Variants in MPC1 observed in about 807,000 individuals in gnomAD.
MPC1 encodes HSPC040 protein.
Under a neutral mutation model 13.9 loss-of-function variants are expected in MPC1, and 6 were observed. The ratio of observed to expected loss-of-function variants is 0.43; its 90% CI spans 0.24 to 0.85. MPC1 has a LOEUF of 0.85. MPC1 is among the 40% of genes least tolerant of loss of function. The pLI is 0.24. For missense variants in MPC1, 115 were observed against 143.3 expected, an observed-to-expected ratio of 0.80 and a Z score of 1.01; for synonymous variants, 47 against 50.5, an observed-to-expected ratio of 0.93 and a Z score of 0.29.
At chr6:166,369,448 T>C (rs1206169838) in intron 2 of MPC1, 2 of 154,662 alleles carry the variant, frequency 1.3e-5, no homozygotes, top group Admixed American at 6.5e-5. Flanking sequence ...GTGTGATGAG[T>C]GTTAGGTTAT....
At chr6:166,377,414 G>A (rs1271736948) in intron 1 of MPC1, among the ~76,000 whole-genome samples, 1 of 152,122 alleles carries the variant, frequency 6.6e-6, no homozygotes, top group Non-Finnish European at 1.5e-5. Context: ...GCTGAACCAG[G>A]AGGAGATTTG....
At chr6:166,366,589 A>T (rs1779164727) in intron 3 of MPC1, among the ~76,000 whole-genome samples, 1 of 152,236 alleles carries the variant, frequency 6.6e-6, no homozygotes, top group South Asian at 2.1e-4. Flanking sequence ...TCTGAAAGGC[A>T]AATAAGATGT....
At position 166,365,478 on chromosome 6, in the gene MPC1, T is replaced by G; in HGVS notation, c.306-25A>C. 6.4e-7 allele frequency: 1 copy of G among 1,564,342 alleles called. No individual in the cohort carries two copies. Among genetic ancestry groups the G allele is most frequent in the Non-Finnish European group, 8.7e-7 (1 of 1,154,228 alleles). On this transcript the variant is annotated intron_variant, in intron 4 of 4. Coordinates refer to ENST00000360961, the MANE Select transcript of MPC1 (RefSeq NM_016098.4). The surrounding 1 kb of genome is among the most constrained non-coding windows in gnomAD (Gnocchi z 4.2). ...CCTGGAAAGAAACAAAAAGAAAAAT[T>G]CAATGAGAAACAAAATTTCAATGCC...
intron 1 of MPC1, among the ~76,000 whole-genome samples, chr6:166,374,080 G>A (rs540349502): frequency 2.6e-5 from 4 of 151,970 alleles, no homozygotes; most frequent in South Asian, 2.1e-4. Context: ...TCTGCCTCCC[G>A]GGTTCAAGTG....
At chr6:166,373,140 T>A (rs1319659442) in intron 1 of MPC1, among the ~76,000 whole-genome samples, 1 of 152,164 alleles carries the variant, frequency 6.6e-6, no homozygotes, top group Non-Finnish European at 1.5e-5. Context: ...TCACGAAACT[T>A]ACATTGACAC....
At position 166,382,910 on chromosome 6, in the gene MPC1, G is replaced by A. The variant is rs1779860318; in HGVS notation, c.-34C>T. The A allele has an allele frequency of 2.5e-6, 4 of 1,574,028 alleles. No homozygotes were observed. Among genetic ancestry groups the A allele is most frequent in the African/African-American group, 1.4e-5 (1 of 71,288 alleles). ...CGACACCAGACCCCGAGTGGTCCCT[G>A]CCTCTGCTGCCGCTTCCCAGAGCCA... On this transcript the variant is annotated 5_prime_UTR_variant, in exon 1 of 5. Transcript: ENST00000360961.
Position 166,367,013 on chromosome 6 carries a change from A to G in MPC1, c.76-122T>C, listed in dbSNP as rs756865188. 3.2e-6 allele frequency: 5 copies of G among 1,548,788 alleles called. No homozygotes were observed. The Admixed American group carries it at 5.7e-5, about 18-fold the overall frequency. On this transcript the variant is annotated intron_variant, in intron 2 of 4. Transcript: ENST00000360961. ...CTCGTGAGAACAAATCTTCGTTTCC[A>G]TCTTGCAGGTTTACTGGGTTAATTG... is the stretch of plus-strand genomic sequence containing the variant.
Position 166,374,135 on chromosome 6 carries a change from C to T in MPC1, c.72-3914G>A, listed in dbSNP as rs147653082. Among the ~76,000 whole-genome samples, 101 of 152,054 alleles carry T rather than the reference C, an allele frequency of 6.6e-4. 3 individuals carry two copies. In the East Asian group the frequency reaches 0.016, roughly 25 times the overall value. On this transcript the variant is annotated intron_variant, in intron 1 of 4. Coordinates refer to ENST00000360961, the MANE Select transcript of MPC1 (RefSeq NM_016098.4). ...CCAAGTAGCTGGGATTATAGGCACC[C>T]GTCACCACACCTGGCTAATTTCTGT...
intron 1 of MPC1, chr6:166,381,778 A>T (rs1779792629): frequency 1.0e-6 from 1 of 975,962 alleles, no homozygotes; most frequent in Non-Finnish European, 1.2e-6. Flanking sequence ...AAAAAGTATG[A>T]CCTTAGAGAC....
chr6:166,382,683 C>A, intron 1 of MPC1, 123 bp downstream of exon 1: 2 of 1,022,190 alleles, frequency 2.0e-6, no homozygotes, highest in Non-Finnish European at 2.7e-6. Flanking sequence ...CTCGCCTGGG[C>A]CCCGGCCCAC....
chr6:166,365,442 G>A lies in MPC1; in HGVS notation c.317C>T (p.Thr106Met), dbSNP rs139163077. ...CCTTTTCCATTGTTATGCAGATGCC[G>A]TTTTAGTCATCCTGGAAAGAAACAA... ...GRLIKHEMTK[T>M]ASA Residue 106 changes from threonine (T) to methionine (M), a missense_variant, in exon 5 of 5, where the codon ACG (threonine) becomes ATG (methionine). Physicochemically the swap from Thr to Met is moderately conservative, Grantham distance 81 (BLOSUM62 -1). Around this residue, in one of 3 missense-constraint regions of MPC1, gnomAD observed 71 missense variants for 88.5 expected, o/e 0.80. Transcript: ENST00000360961. This position sits in a 1 kb window ranked among gnomAD's most constrained non-coding sequence, Gnocchi z 4.2. 2.3e-5 allele frequency: 37 copies of A among 1,580,652 alleles called. No individual in the cohort carries two copies. Among genetic ancestry groups the A allele is most frequent in the East Asian group, 1.6e-4 (7 of 43,842 alleles).
At position 166,381,701 on chromosome 6, in the gene MPC1, T is replaced by G. The variant is rs938706475; in HGVS notation, c.71+1105A>C. The stretch of plus-strand genomic sequence containing the variant: ...AATTATAGAAAGTGTATTTTCAGGC[T>G]TTCCAACCGCGAATGCTCTTTGTTT... On this transcript the variant is annotated intron_variant, in intron 1 of 4. Transcript: ENST00000360961. The G allele has an allele frequency of 1.1e-5, 6 of 543,446 alleles. No homozygotes were observed. The African/African-American group carries it at 1.2e-4, about 11-fold the overall frequency. The allele number at this position is 543,446 out of a possible 1,614,324, so 33.7% of individuals were successfully genotyped here. A position where few individuals can be genotyped will look rare whatever the true frequency, so the allele number is the denominator to read the frequency against.
intron 1 of MPC1, among the ~76,000 whole-genome samples, chr6:166,380,606 C>T (rs1456815897): frequency 6.6e-6 from 1 of 152,154 alleles, no homozygotes; most frequent in Non-Finnish European, 1.5e-5. Flanking sequence ...GCAGAACTCT[C>T]TTCCTTGAAA....
chr6:166,379,846 T>C (rs1779703366), intron 1 of MPC1, among the ~76,000 whole-genome samples: 1 of 152,250 alleles, frequency 6.6e-6, no homozygotes, highest in African/African-American at 2.4e-5. Context: ...AGCCGGGCTG[T>C]AAGCGTAAAG....
chr6:166,366,513 A>T (rs1299816678), intron 3 of MPC1, among the ~76,000 whole-genome samples: 1 of 152,236 alleles, frequency 6.6e-6, no homozygotes, highest in Non-Finnish European at 1.5e-5. Context: ...AAAGTTCACA[A>T]TATAAATCAT....
At chr6:166,382,608 CG>C (rs1023574307) in intron 1 of MPC1, among the ~76,000 whole-genome samples, 197 bp downstream of exon 1, 1 of 152,164 alleles carries the variant, frequency 6.6e-6, no homozygotes, top group African/African-American at 2.4e-5. Context: ...CTCTCTACGC[CG>C]TCCGCTTCGG....
rs151209326 is a variant in MPC1, at chr6:166,382,388, C to A, written c.71+418G>T. Among the ~76,000 whole-genome samples the A allele has an allele frequency of 4.9e-3, 748 of 151,694 alleles. 4 individuals are homozygous for A. Among genetic ancestry groups the A allele is most frequent in the Admixed American group, 6.0e-3 (92 of 15,264 alleles). ...AGTGTCACCTTGGCCAGGAGGGACG[C>A]CCACCGTCACCCACTCCCTGAAGGG... On this transcript the variant is annotated intron_variant, in intron 1 of 4. Transcript: ENST00000360961.
intron 1 of MPC1, chr6:166,381,710 G>C (rs1381877721): frequency 3.2e-6 from 2 of 626,536 alleles, no homozygotes; most frequent in African/African-American, 4.0e-5. Context: ...CTTTCCAACC[G>C]CGAATGCTCT....
chr6:166,372,542 T>C (rs1364138272), intron 1 of MPC1, among the ~76,000 whole-genome samples: 1 of 152,228 alleles, frequency 6.6e-6, no homozygotes, highest in Non-Finnish European at 1.5e-5. Flanking sequence ...ATCACATTAA[T>C]TACTGTAAAA....
Sources: allele counts gnomAD v4.1 joint callset (sites outside exome capture counted in the v4.1 genomes callset), GRCh38; gene constraint gnomAD v4.1.1; regional missense constraint gnomAD v4.1.1; non-coding constraint Gnocchi (gnomAD v3.1); transcripts MANE v1.5; gene names NCBI Gene and HGNC (gene_info 2026-07-23, HGNC 2026-07-21).